The following WDR72 variants were observed in gnomAD, a reference collection of about 807,000 sequenced individuals.
WDR72 encodes WD repeat domain 72.
WDR72 carries 120 observed loss-of-function variants against 124.2 expected under a neutral mutation model. The ratio of observed to expected loss-of-function variants is 0.97; its 90% CI spans 0.83 to 1.12. WDR72 has a LOEUF of 1.12. Among genes scored for constraint, WDR72 ranks in the 50% most tolerant of loss-of-function variants. The probability of loss-of-function intolerance (pLI) is 0.00; values close to 1 mark genes in which losing one functional copy is unlikely to be tolerated. For synonymous variants in WDR72, 452 were observed against 441.7 expected, an observed-to-expected ratio of 1.02 and a Z score of -0.29; for missense variants, 1,387 against 1,278.8, an observed-to-expected ratio of 1.08 and a Z score of -1.29.
rs2140558470 is a variant in WDR72 at position 53,715,225 on chromosome 15, C to G, written c.482G>C (p.Cys161Ser). The change falls in exon 5 of 20, where the codon TGC (cysteine) becomes TCC (serine). Residue 161 changes from cysteine (C) to serine (S), a missense_variant. Physicochemically the swap from Cys to Ser is moderately radical, Grantham distance 112. Coordinates refer to ENST00000360509, the MANE Select transcript of WDR72 (RefSeq NM_182758.4). Reference protein sequence around the residue: ...RSSQFPDWINCMCIVHSMRIQ... With the variant: ...RSSQFPDWINSMCIVHSMRIQ... ...TCTCATGGAGTGAACAATGCACATG[C>G]AGTTGATCCAGTCAGGAAACTGAGA... The G allele has an allele frequency of 6.2e-7, 1 of 1,614,126 alleles. No individual in the cohort carries two copies. Among genetic ancestry groups the G allele is most frequent in the East Asian group, 2.2e-5 (1 of 44,860 alleles).
At chr15:53,527,813 G>C (rs1409235890) in intron 18 of WDR72, among the ~76,000 whole-genome samples, 1 of 151,974 alleles carries the variant, frequency 6.6e-6, no homozygotes, top group African/African-American at 2.4e-5. Context: ...CTAAAAGATA[G>C]CTCAGGCCTG....
At chr15:53,689,946 C>T (rs1293516603) in intron 13 of WDR72, among the ~76,000 whole-genome samples, 2 of 150,726 alleles carry the variant, frequency 1.3e-5, no homozygotes, top group Non-Finnish European at 2.9e-5. Flanking sequence ...AATCATCATT[C>T]TCAGTAAACT....
intron 13 of WDR72, among the ~76,000 whole-genome samples, chr15:53,691,600 TAGAC>T (rs140193304): frequency 0.012 from 1,662 of 137,442 alleles, 11 homozygotes; most frequent in Non-Finnish European, 0.018. Flanking sequence ...TGTAAAATGA[TAGAC>T]AGACAGACAG....
At chr15:53,727,480 T>C (rs1453247458) in intron 2 of WDR72, among the ~76,000 whole-genome samples, 1 of 152,176 alleles carries the variant, frequency 6.6e-6, no homozygotes, top group Admixed American at 6.5e-5. Flanking sequence ...AGACTAACTT[T>C]TTAGTGCTAC....
At chr15:53,675,810 G>A (rs1484545961) in intron 13 of WDR72, among the ~76,000 whole-genome samples, 1 of 152,102 alleles carries the variant, frequency 6.6e-6, no homozygotes, top group African/African-American at 2.4e-5. Flanking sequence ...GATAAATTGG[G>A]GTATGGTCTC....
At chr15:53,632,795 T>G (rs1383741237) in intron 14 of WDR72, among the ~76,000 whole-genome samples, 3 of 152,266 alleles carry the variant, frequency 2.0e-5, no homozygotes, top group Admixed American at 1.3e-4. Context: ...TTGCTGGGTT[T>G]CAGACTTGTA....
intron 18 of WDR72, 53 bp downstream of exon 18, chr15:53,597,022 ACTAT>A (rs2012810842): frequency 4.5e-6 from 7 of 1,541,948 alleles, no homozygotes; most frequent in Admixed American, 1.7e-5. Context: ...TAAGTTGGAG[ACTAT>A]CTATAGTAGA....
At chr15:53,698,002 G>A (rs2017056747) in intron 13 of WDR72, among the ~76,000 whole-genome samples, 1 of 151,928 alleles carries the variant, frequency 6.6e-6, no homozygotes, top group Admixed American at 6.6e-5. Flanking sequence ...GTAGACAAGA[G>A]CACTTATTAA....
chr15:53,527,662 T>A (rs55715537), intron 18 of WDR72, among the ~76,000 whole-genome samples: 7,526 of 152,004 alleles, frequency 0.05, 417 homozygotes, highest in African/African-American at 0.14. Flanking sequence ...AATCATTAAT[T>A]AAAAGATAGA....
chr15:53,639,415 C>T (rs1002611246), intron 14 of WDR72, among the ~76,000 whole-genome samples: 1 of 149,476 alleles, frequency 6.7e-6, no homozygotes, highest in Non-Finnish European at 1.5e-5. Context: ...GAGTTCGAGA[C>T]CAGCCTGGGC....
intron 13 of WDR72, among the ~76,000 whole-genome samples, chr15:53,680,193 T>C (rs898544337): frequency 2.0e-5 from 3 of 152,228 alleles, no homozygotes; most frequent in Non-Finnish European, 4.4e-5. Flanking sequence ...TTTCCTGCAA[T>C]ATAGTATATT....
chr15:53,574,189 A>G (rs578054122), intron 18 of WDR72, among the ~76,000 whole-genome samples: 1 of 152,160 alleles, frequency 6.6e-6, no homozygotes, highest in Non-Finnish European at 1.5e-5. Context: ...AAAAATCCAA[A>G]CGTAATTTAA....
chr15:53,702,197 C>A lies in WDR72; in HGVS notation c.1506G>T (p.Leu502Phe). 6.2e-7 allele frequency: 1 copy of A among 1,613,994 alleles called. No individual in the cohort carries two copies. Among genetic ancestry groups the A allele is most frequent in the Non-Finnish European group, 8.5e-7 (1 of 1,179,986 alleles). Residue 502 changes from leucine to phenylalanine, a missense_variant, in exon 12 of 20, where the codon TTG (leucine) becomes TTT (phenylalanine). Leu to Phe is a conservative substitution (Grantham distance 22). Coordinates refer to ENST00000360509, the MANE Select transcript of WDR72 (RefSeq NM_182758.4). Reference sequence around the variant, plus strand: ...GACCAGCTTCCAAAAAGAATTTATGCAAAATTTCTTCAGTAAAGATATCCC... The same window carrying A: ...GACCAGCTTCCAAAAAGAATTTATGAAAAATTTCTTCAGTAAAGATATCCC... Reference protein sequence around the residue: ...ILWDIFTEEILHKFFLEAGPV... With the variant: ...ILWDIFTEEIFHKFFLEAGPV...
intron 18 of WDR72, among the ~76,000 whole-genome samples, chr15:53,551,201 A>G (rs1159096345): frequency 2.0e-5 from 3 of 152,148 alleles, no homozygotes; most frequent in African/African-American, 7.2e-5. Context: ...GGCCAGTGAG[A>G]CTGGAGGTCA....
chr15:53,544,900 C>A (rs969496362), intron 18 of WDR72, among the ~76,000 whole-genome samples: 1 of 150,910 alleles, frequency 6.6e-6, no homozygotes, highest in African/African-American at 2.4e-5. Flanking sequence ...CATGAGTGAA[C>A]TCCCATTCAC....
At chr15:53,556,972 TAGAA>T (rs1206782006) in intron 18 of WDR72, among the ~76,000 whole-genome samples, 4 of 152,172 alleles carry the variant, frequency 2.6e-5, no homozygotes, top group East Asian at 1.9e-4. Flanking sequence ...AGAGCAATGA[TAGAA>T]AGGAGTTTCA....
intron 13 of WDR72, among the ~76,000 whole-genome samples, chr15:53,670,572 G>A (rs2015951228): frequency 6.6e-6 from 1 of 152,164 alleles, no homozygotes; most frequent in South Asian, 2.1e-4. Context: ...GTGTTTAGGG[G>A]CAGACTCTGG....
intron 3 of WDR72, among the ~76,000 whole-genome samples, chr15:53,717,437 G>T (rs1277226483): frequency 6.6e-6 from 1 of 152,076 alleles, no homozygotes. Context: ...AGGAGATACT[G>T]CCATTATACT....
chr15:53,644,030 A>C (rs1209700329), intron 14 of WDR72, among the ~76,000 whole-genome samples: 2 of 152,146 alleles, frequency 1.3e-5, no homozygotes, highest in Non-Finnish European at 1.5e-5. Flanking sequence ...ATGCCAAGCT[A>C]ATATTGTTAT....
Sources: allele counts gnomAD v4.1 joint callset (sites outside exome capture counted in the v4.1 genomes callset), GRCh38; gene constraint gnomAD v4.1.1; transcripts MANE v1.5; gene names NCBI Gene and HGNC (gene_info 2026-07-23, HGNC 2026-07-21).